BASP1: variants seen among roughly 807,000 people sequenced by gnomAD.
The protein encoded by BASP1 is brain abundant membrane attached signal protein 1.
Under a neutral mutation model 2.2 loss-of-function variants are expected in BASP1, and 1 was observed. The observed-to-expected ratio is 0.46, with a 90% CI of 0.16 to 2.17. The LOEUF (loss-of-function observed/expected upper bound fraction) is 2.17, where lower values mean the gene tolerates loss of function less well. Ranked by LOEUF, BASP1 falls within the 30% of genes most tolerant of loss-of-function variation. The pLI, the probability that BASP1 is intolerant of heterozygous loss-of-function variation, is 0.27. For synonymous variants in BASP1, 187 were observed against 154.2 expected (o/e 1.21, Z -1.58); for missense variants, 352 against 327.2 (o/e 1.08, Z -0.58).
At chr5:17,240,254 G>A (rs932352655) in intron 1 of BASP1, among the ~76,000 whole-genome samples, 1 of 152,128 alleles carries the variant, frequency 6.6e-6, no homozygotes, top group Admixed American at 6.5e-5. Flanking sequence ...TGAGGCTCTG[G>A]CCGGGCATGG....
intron 1 of BASP1, among the ~76,000 whole-genome samples, chr5:17,224,172 C>T (rs1739446567): frequency 1.3e-5 from 2 of 152,118 alleles, no homozygotes; most frequent in Non-Finnish European, 2.9e-5. Flanking sequence ...TGCTTTTGTC[C>T]TTCTGGACAC....
At chr5:17,242,650 A>T (rs1172429180) in intron 1 of BASP1, among the ~76,000 whole-genome samples, 1 of 152,124 alleles carries the variant, frequency 6.6e-6, no homozygotes, top group Non-Finnish European at 1.5e-5. Context: ...ATTTTAATTT[A>T]AGGGGGATTA....
rs771707665 is a variant in BASP1 at position 17,275,285 on chromosome 5, C to G, written c.69C>G (p.Asp23Glu). Residue 23 changes from aspartate (D) to glutamate (E), a missense_variant, in exon 2 of 2, where the codon GAC (aspartate) becomes GAG (glutamate). Physicochemically the swap from Asp to Glu is conservative, Grantham distance 45. Transcript: ENST00000322611. The surrounding 1 kb of genome is among the most constrained non-coding windows in gnomAD (Gnocchi z 5.3). ...ACGACGAGAAAGCCAAGGAGAAAGA[C>G]AAGAAGGCCGAGGGCGCGGCGACGG... Reference protein sequence around the residue: ...NVNDEKAKEKDKKAEGAATEE... With the variant: ...NVNDEKAKEKEKKAEGAATEE... 1.2e-6 allele frequency: 2 copies of G among 1,613,814 alleles called. No individual in the cohort carries two copies. Among genetic ancestry groups the G allele is most frequent in the Non-Finnish European group, 1.7e-6 (2 of 1,180,002 alleles).
chr5:17,266,961 G>A (rs1254689005), intron 1 of BASP1, among the ~76,000 whole-genome samples: 2 of 152,142 alleles, frequency 1.3e-5, no homozygotes, highest in Non-Finnish European at 2.9e-5. Context: ...TGGTTGTATT[G>A]CGCTGGAAAT....
At chr5:17,252,086 G>A (rs1049095508) in intron 1 of BASP1, among the ~76,000 whole-genome samples, 1 of 152,182 alleles carries the variant, frequency 6.6e-6, no homozygotes, top group Non-Finnish European at 1.5e-5. Context: ...TGGACAGAGG[G>A]CAGAGGAGAG....
At chr5:17,247,533 G>A (rs747020633) in intron 1 of BASP1, among the ~76,000 whole-genome samples, 4 of 152,206 alleles carry the variant, frequency 2.6e-5, no homozygotes, top group African/African-American at 9.7e-5. Flanking sequence ...TGTAGTTTCT[G>A]TATATTTTCA....
intron 1 of BASP1, among the ~76,000 whole-genome samples, chr5:17,266,272 AG>A (rs1217783584): frequency 6.6e-6 from 1 of 152,194 alleles, no homozygotes; most frequent in African/African-American, 2.4e-5. Context: ...TTATGTCTGG[AG>A]GAGTAGATTT....
chr5:17,248,946 T>C (rs1740046501), intron 1 of BASP1, among the ~76,000 whole-genome samples: 1 of 152,182 alleles, frequency 6.6e-6, no homozygotes, highest in Non-Finnish European at 1.5e-5. Context: ...CATGTCATAG[T>C]AACCATCAAC....
chr5:17,234,004 G>A (rs955391125), intron 1 of BASP1, among the ~76,000 whole-genome samples: 5 of 152,124 alleles, frequency 3.3e-5, no homozygotes, highest in South Asian at 2.1e-4. Flanking sequence ...GGTGGCACAC[G>A]CCTGTTGTCT....
In BASP1 at chr5:17,236,561, G is replaced by A. The variant is rs990404504; in HGVS notation, c.-10+18751G>A. On this transcript the variant is annotated intron_variant, in intron 1 of 1. Coordinates refer to ENST00000322611, the MANE Select transcript of BASP1 (RefSeq NM_006317.5). The surrounding 1 kb of genome is among the most constrained non-coding windows in gnomAD (Gnocchi z 4.0). ...ATTACAGGCGTGAGCCACCGCGCTCGGCCGAGAGCTAGTTTCCTGATTGAT... is the reference window on the plus strand; with the variant it reads ...ATTACAGGCGTGAGCCACCGCGCTCAGCCGAGAGCTAGTTTCCTGATTGAT... 7.2e-5 allele frequency among the ~76,000 whole-genome samples: 11 copies of A among 152,212 alleles called. No homozygotes were observed. The highest frequency in any genetic ancestry group is 6.8e-3 in the Middle Eastern group (2 of 294).
intron 1 of BASP1, among the ~76,000 whole-genome samples, chr5:17,223,059 C>T (rs60587781): frequency 0.3 from 45,104 of 151,430 alleles, 8,166 homozygotes; most frequent in Non-Finnish European, 0.41. Flanking sequence ...GGAGGCAGGA[C>T]TGGACTTCAT....
chr5:17,243,188 G>A (rs903529196), intron 1 of BASP1, among the ~76,000 whole-genome samples: 11 of 150,044 alleles, frequency 7.3e-5, no homozygotes, highest in East Asian at 3.9e-4. Context: ...TCATTCTGTC[G>A]CCCAGGCTGG....
Position 17,227,390 on chromosome 5 carries a change from T to TATATA in BASP1, c.-10+9580_-10+9581insATATA, listed in dbSNP as rs59187655. On this transcript the variant is annotated intron_variant, in intron 1 of 1. Transcript: ENST00000322611. ...GTACGCCACCAAGCTTGACTAATTT[T>TATATA]TATATATATATATATATACAATATT... Among the ~76,000 whole-genome samples the TATATA allele has an allele frequency of 1.2e-3, 167 of 142,204 alleles. 1 individual carries two copies. Among genetic ancestry groups the TATATA allele is most frequent in the African/African-American group, 3.9e-3 (148 of 37,500 alleles). 93.3% of individuals were successfully genotyped at this position (142,204 alleles called of 152,430 possible).
At chr5:17,265,980 T>A (rs1013099576) in intron 1 of BASP1, among the ~76,000 whole-genome samples, 8 of 152,160 alleles carry the variant, frequency 5.3e-5, no homozygotes, top group Admixed American at 2.0e-4. Flanking sequence ...ATTAAGGACA[T>A]AATAAGTCCT....
At chr5:17,222,430 C>T (rs562405578) in intron 1 of BASP1, among the ~76,000 whole-genome samples, 14 of 152,182 alleles carry the variant, frequency 9.2e-5, no homozygotes, top group African/African-American at 1.7e-4. Flanking sequence ...TTTTGTGAAA[C>T]GCCTTTCCAG....
intron 1 of BASP1, among the ~76,000 whole-genome samples, chr5:17,247,406 G>T (rs1740015304): frequency 1.3e-5 from 2 of 152,138 alleles, no homozygotes; most frequent in Non-Finnish European, 2.9e-5. Context: ...CTTCATACAG[G>T]TCAACAACTA....
intron 1 of BASP1, among the ~76,000 whole-genome samples, chr5:17,224,686 T>C (rs1174738046): frequency 6.6e-6 from 1 of 152,226 alleles, no homozygotes; most frequent in Non-Finnish European, 1.5e-5. Flanking sequence ...GTCATTCCTT[T>C]CTAGTATGAT....
At chr5:17,266,046 T>C (rs910462874) in intron 1 of BASP1, among the ~76,000 whole-genome samples, 4 of 152,182 alleles carry the variant, frequency 2.6e-5, no homozygotes, top group African/African-American at 7.2e-5. Context: ...GTTGGTCAAA[T>C]TGGGTTCCTC....
At chr5:17,225,286 T>C (rs1180027264) in intron 1 of BASP1, among the ~76,000 whole-genome samples, 4 of 150,810 alleles carry the variant, frequency 2.7e-5, no homozygotes, top group East Asian at 2.0e-4. Flanking sequence ...AAAAAACCAG[T>C]CTGGATCCTA....
Sources: allele counts gnomAD v4.1 joint callset (sites outside exome capture counted in the v4.1 genomes callset), GRCh38; gene constraint gnomAD v4.1.1; non-coding constraint Gnocchi (gnomAD v3.1); transcripts MANE v1.5; gene names NCBI Gene and HGNC (gene_info 2026-07-23, HGNC 2026-07-21).